The following CDH13 variants were observed in gnomAD, a reference collection of about 807,000 sequenced individuals.
CDH13 encodes cadherin 13.
A neutral mutation model predicts 63.8 loss-of-function variants in CDH13; 24 were observed. That is an observed-to-expected ratio of 0.38 (90% confidence interval 0.27 to 0.53). The LOEUF (loss-of-function observed/expected upper bound fraction) is 0.53, where lower values mean the gene tolerates loss of function less well. Among genes scored for constraint, CDH13 ranks in the 20% least tolerant of loss-of-function variants. The pLI is 0.85. For synonymous variants in CDH13, 503 were observed against 355.3 expected (o/e 1.42, Z -4.67); for missense variants, 1,049 against 903.1 (o/e 1.16, Z -2.07).
At chr16:82,911,864 A>G (rs189522310) in intron 2 of CDH13, among the ~76,000 whole-genome samples, 1 of 152,044 alleles carries the variant, frequency 6.6e-6, no homozygotes, top group African/African-American at 2.4e-5. Context: ...AGCTGAGGGC[A>G]CCTGCTCCTA....
chr16:83,250,220 A>C (rs189922340), intron 5 of CDH13, among the ~76,000 whole-genome samples: 44 of 152,212 alleles, frequency 2.9e-4, no homozygotes, highest in Non-Finnish European at 4.9e-4. Context: ...CAGAAAAAAA[A>C]CTCATTGACC....
intron 7 of CDH13, among the ~76,000 whole-genome samples, chr16:83,568,456 C>T (rs1303373044): frequency 6.6e-6 from 1 of 152,160 alleles, no homozygotes; most frequent in Non-Finnish European, 1.5e-5. Flanking sequence ...TAATGAATGT[C>T]CGCACATGTC....
At chr16:82,820,447 T>G (rs771390939) in intron 1 of CDH13, among the ~76,000 whole-genome samples, 2 of 152,196 alleles carry the variant, frequency 1.3e-5, no homozygotes, top group East Asian at 1.9e-4. Context: ...GTAATGAAAC[T>G]GAGGCACAGA....
intron 6 of CDH13, among the ~76,000 whole-genome samples, chr16:83,411,569 A>T (rs1290862291): frequency 6.6e-6 from 1 of 152,228 alleles, no homozygotes; most frequent in Non-Finnish European, 1.5e-5. Context: ...ATATTGAGAT[A>T]CACTACCATT....
intron 1 of CDH13, among the ~76,000 whole-genome samples, chr16:82,697,879 G>A (rs957665444): frequency 6.6e-6 from 1 of 152,134 alleles, no homozygotes; most frequent in African/African-American, 2.4e-5. Flanking sequence ...TAATAAAGCT[G>A]TGGAACTATA....
chr16:82,834,227 G>A (rs2038667565), intron 1 of CDH13, among the ~76,000 whole-genome samples: 1 of 152,156 alleles, frequency 6.6e-6, no homozygotes, highest in Non-Finnish European at 1.5e-5. Flanking sequence ...TGAATTTAAA[G>A]GTCAACGCCT....
chr16:82,916,979 G>A (rs1026777068), intron 2 of CDH13, among the ~76,000 whole-genome samples: 2 of 152,138 alleles, frequency 1.3e-5, no homozygotes, highest in South Asian at 2.1e-4. Context: ...GGATATTCCC[G>A]CATCCACACT....
intron 6 of CDH13, among the ~76,000 whole-genome samples, chr16:83,427,495 C>G (rs901938903): frequency 6.6e-6 from 1 of 152,128 alleles, no homozygotes; most frequent in African/African-American, 2.4e-5. Context: ...CCCACTAACA[C>G]CTTGACCTAA....
intron 9 of CDH13, among the ~76,000 whole-genome samples, chr16:83,677,867 G>C (rs967541110): frequency 1.3e-5 from 2 of 152,054 alleles, no homozygotes; most frequent in Admixed American, 1.3e-4. Flanking sequence ...CGATATCTCA[G>C]AGGGAGGCTC....
Position 83,222,028 on chromosome 16 carries a change from G to C in CDH13, c.636+4531G>C, listed in dbSNP as rs112947515. On this transcript the variant is annotated intron_variant, in intron 5 of 13. Coordinates refer to ENST00000567109, the MANE Select transcript of CDH13 (RefSeq NM_001257.5). The stretch of plus-strand genomic sequence containing the variant: ...GGTGAACATGTCTTGAACATTTACA[G>C]TGTGCCAAGGCTCCATGCCAAATAC... 1.3e-4 allele frequency among the ~76,000 whole-genome samples: 20 copies of C among 152,246 alleles called. 1 individual carries two copies. The highest frequency in any genetic ancestry group is 4.8e-4 in the African/African-American group (20 of 41,558).
intron 4 of CDH13, among the ~76,000 whole-genome samples, chr16:83,126,114 A>G (rs1233220345): frequency 6.6e-6 from 1 of 152,222 alleles, no homozygotes; most frequent in African/African-American, 2.4e-5. Context: ...AATTTTGAGC[A>G]GTTTGTACTT....
intron 9 of CDH13, among the ~76,000 whole-genome samples, chr16:83,672,947 A>G (rs1914642914): frequency 6.6e-6 from 1 of 152,220 alleles, no homozygotes; most frequent in Non-Finnish European, 1.5e-5. Context: ...CGAAAGTGCA[A>G]CAGCCATGGA....
At chr16:83,032,382 C>T (rs997008695) in intron 3 of CDH13, 164 bp downstream of exon 3, 10 of 599,272 alleles carry the variant, frequency 1.7e-5, no homozygotes, top group Admixed American at 6.0e-5. Context: ...TGAGGGGCAG[C>T]GGGAATTAAT....
At chr16:83,110,990 A>AT (rs536421346) in intron 3 of CDH13, among the ~76,000 whole-genome samples, 203 of 98,208 alleles carry the variant, frequency 2.1e-3, no homozygotes, top group Non-Finnish European at 3.1e-3. Context: ...AAATGTATGT[A>AT]TTAGGTTGTT....
intron 2 of CDH13, among the ~76,000 whole-genome samples, chr16:82,987,976 C>T (rs974063745): frequency 7.2e-5 from 11 of 152,224 alleles, no homozygotes; most frequent in African/African-American, 2.4e-4. Flanking sequence ...TTGTTTGCTA[C>T]ACTAGCTGGC....
chr16:83,350,591 C>T (rs1022266213), intron 6 of CDH13, among the ~76,000 whole-genome samples: 4 of 152,134 alleles, frequency 2.6e-5, no homozygotes, highest in South Asian at 2.1e-4. Context: ...TAGCAAGCAT[C>T]TACTCTGTGC....
intron 1 of CDH13, among the ~76,000 whole-genome samples, chr16:82,832,319 T>C (rs930848954): frequency 6.6e-5 from 10 of 152,226 alleles, no homozygotes; most frequent in African/African-American, 1.9e-4. Context: ...AGTTTTGCAA[T>C]ATCTAAGCTT....
intron 4 of CDH13, among the ~76,000 whole-genome samples, chr16:83,182,269 C>G (rs1001255617): frequency 2.0e-5 from 3 of 152,196 alleles, no homozygotes; most frequent in East Asian, 3.8e-4. Context: ...TAAAGACTGA[C>G]AAAGAAAGCT....
At chr16:82,753,210 C>T (rs1185076121) in intron 1 of CDH13, among the ~76,000 whole-genome samples, 3 of 152,180 alleles carry the variant, frequency 2.0e-5, no homozygotes, top group Non-Finnish European at 4.4e-5. Flanking sequence ...GGTCGTGGTA[C>T]AGAAGGAAGT....
Sources: allele counts gnomAD v4.1 joint callset (sites outside exome capture counted in the v4.1 genomes callset), GRCh38; gene constraint gnomAD v4.1.1; transcripts MANE v1.5; gene names NCBI Gene and HGNC (gene_info 2026-07-23, HGNC 2026-07-21).